The following INAVA variants were observed in gnomAD, a reference collection of about 807,000 sequenced individuals.
INAVA encodes innate immunity activator.
INAVA carries 32 observed loss-of-function variants against 55.3 expected under a neutral mutation model. The ratio of observed to expected loss-of-function variants is 0.58; its 90% CI spans 0.44 to 0.78. The LOEUF (loss-of-function observed/expected upper bound fraction) is 0.78, where lower values mean the gene tolerates loss of function less well. Among genes scored for constraint, INAVA ranks in the 30% least tolerant of loss-of-function variants. INAVA has a pLI of 0.00. For synonymous variants in INAVA, 294 were observed against 329.4 expected, an observed-to-expected ratio of 0.89 and a Z score of 1.16; for missense variants, 756 against 786.4, an observed-to-expected ratio of 0.96 and a Z score of 0.46.
intron 8 of INAVA, 143 bp downstream of exon 8, chr1:200,909,540 G>A (rs1006291107): frequency 2.1e-5 from 15 of 711,962 alleles, no homozygotes; most frequent in South Asian, 5.8e-5. Flanking sequence ...TTCTTGGGGC[G>A]CCTCTTGACA....
chr1:200,910,254 A>G (rs1157951551), intron 8 of INAVA, among the ~76,000 whole-genome samples: 2 of 152,216 alleles, frequency 1.3e-5, no homozygotes, highest in East Asian at 3.8e-4. Flanking sequence ...CAAATTTGTC[A>G]CTTTTCTGCA....
chr1:200,907,911 A>G (rs1002181540), intron 6 of INAVA, 24 bp downstream of exon 6: 3 of 1,601,818 alleles, frequency 1.9e-6, no homozygotes, highest in Non-Finnish European at 8.5e-7. Flanking sequence ...TTGGGGGACT[A>G]TTGTCAAGGC....
intron 3 of INAVA, among the ~76,000 whole-genome samples, chr1:200,899,874 C>A (rs1308690456): frequency 1.2e-4 from 18 of 152,192 alleles, no homozygotes; most frequent in Non-Finnish European, 1.5e-5. Flanking sequence ...GTGCTGTAAC[C>A]CGGGTCGGTG....
intron 5 of INAVA, among the ~76,000 whole-genome samples, chr1:200,901,563 C>T (rs548413726): frequency 2.0e-5 from 3 of 152,270 alleles, no homozygotes; most frequent in South Asian, 4.1e-4. Context: ...CCCGTGAGCC[C>T]AAGGCTCTGA....
chr1:200,901,126 C>A lies in INAVA; in HGVS notation c.487C>A (p.Pro163Thr). The change falls in exon 5 of 10, where the codon CCA becomes ACA. Residue 163 changes from proline (P) to threonine (T), a missense_variant. Transcript: ENST00000413687. ...GGTCGAGCGGCGGCGCAATAGCGAGCCACCTCCGGCTGCTGCTCTCCCCCT... is the reference window on the plus strand; with the variant it reads ...GGTCGAGCGGCGGCGCAATAGCGAGACACCTCCGGCTGCTGCTCTCCCCCT... ...CLVERRRNSE[P>T]PPAAALPLGR... The A allele has an allele frequency of 6.6e-7, 1 of 1,526,502 alleles. No individual in the cohort carries two copies. The highest frequency in any genetic ancestry group is 8.8e-7 in the Non-Finnish European group (1 of 1,140,404). 94.6% of individuals were successfully genotyped at this position (1,526,502 alleles called of 1,614,324 possible).
At chr1:200,909,079 T>C in intron 7 of INAVA, 139 bp downstream of exon 7, 1 of 1,292,010 alleles carries the variant, frequency 7.7e-7, no homozygotes, top group East Asian at 2.5e-5. Context: ...GATGGAGGTG[T>C]GAGCCTTGAT....
chr1:200,904,090 AT>A (rs774833894), intron 5 of INAVA, among the ~76,000 whole-genome samples: 659 of 138,488 alleles, frequency 4.8e-3, no homozygotes, highest in African/African-American at 8.8e-3. Context: ...TCCTCATAAC[AT>A]TTTTTTTTTT....
At position 200,913,662 on chromosome 1, in the gene INAVA, T is replaced by C. The variant is rs188549498; in HGVS notation, c.*33T>C. ...CCCCACGCTGGAAAAAACTGTTTCA[T>C]AGAGGGGCTGGGCTGAGACCCCCCC... is the stretch of plus-strand genomic sequence containing the variant. On this transcript the variant is annotated 3_prime_UTR_variant, in exon 10 of 10. Transcript: ENST00000413687. The C allele has an allele frequency of 2.1e-5, 33 of 1,576,460 alleles. No homozygotes were observed. In the East Asian group the frequency reaches 2.9e-4, roughly 14 times the overall value.
rs1557970148 is a variant in INAVA at position 200,911,509 on chromosome 1, G to A, written c.1016G>A (p.Arg339His). 5.0e-6 allele frequency: 8 copies of A among 1,613,700 alleles called. No homozygotes were observed. The highest frequency in any genetic ancestry group is 2.2e-5 in the South Asian group (2 of 91,040). Residue 339 changes from arginine to histidine, a missense_variant, in exon 9 of 10, where the codon CGC becomes CAC. This residue lies in a region of INAVA where 639 missense variants were observed against 624.3 expected (regional missense o/e 1.02). Coordinates refer to ENST00000413687, the MANE Select transcript of INAVA (RefSeq NM_001142569.3). Reference sequence around the variant, plus strand: ...CGAGGTCGCAGCGCCTTTCCCCGCCGCCGCCCCACTCACTACACGGTGACA... The same window carrying A: ...CGAGGTCGCAGCGCCTTTCCCCGCCACCGCCCCACTCACTACACGGTGACA... The part of the protein sequence containing the change: ...EGRGRSAFPR[R>H]RPTHYTVTVP...
rs754515331 is a variant in INAVA at position 200,910,643 on chromosome 1, G to A, written c.960-810G>A. ...GTCATCCAGCCTAGAGTATAGTGGCGCAATCTTTGCTCACTGCAACCTCCG... is the reference window on the plus strand; with the variant it reads ...GTCATCCAGCCTAGAGTATAGTGGCACAATCTTTGCTCACTGCAACCTCCG... On this transcript the variant is annotated intron_variant, in intron 8 of 9. Transcript: ENST00000413687. Among the ~76,000 whole-genome samples the A allele has an allele frequency of 3.9e-5, 6 of 152,282 alleles. 1 individual carries two copies. Among genetic ancestry groups the A allele is most frequent in the South Asian group, 4.1e-4 (2 of 4,828 alleles).
chr1:200,908,025 C>T (rs1653566097), intron 6 of INAVA, 138 bp downstream of exon 6: 6 of 613,156 alleles, frequency 9.8e-6, no homozygotes, highest in South Asian at 2.1e-5. Context: ...GCTTGGACTT[C>T]ATGTCAATTT....
Position 200,905,720 on chromosome 1 carries a change from G to A in INAVA, c.521-2114G>A, listed in dbSNP as rs370955386. ...ACATTACATAAACAAATTCATAGCC[G>A]TGTTCCAATAAACATTTATTTACAA... is the stretch of plus-strand genomic sequence containing the variant. On this transcript the variant is annotated intron_variant, in intron 5 of 9. Transcript: ENST00000413687. Among the ~76,000 whole-genome samples the A allele has an allele frequency of 9.8e-5, 15 of 152,288 alleles. No individual in the cohort carries two copies. In the South Asian group the frequency reaches 1.9e-3, roughly 19 times the overall value.
rs1481991650 is a variant in INAVA at position 200,901,135 on chromosome 1, G to A, written c.496G>A (p.Ala166Thr). The A allele has an allele frequency of 2.6e-6, 4 of 1,524,788 alleles. No individual in the cohort carries two copies. Among genetic ancestry groups the A allele is most frequent in the Admixed American group, 2.0e-5 (1 of 50,372 alleles). The allele number at this position is 1,524,788 out of a possible 1,614,324, so 94.5% of individuals were successfully genotyped here. A position where few individuals can be genotyped will look rare whatever the true frequency, so the allele number is the denominator to read the frequency against. ...ERRRNSEPPPAAALPLGRELS... is the reference protein window; with the variant it reads ...ERRRNSEPPPTAALPLGRELS... ...GCGGCGCAATAGCGAGCCACCTCCG[G>A]CTGCTGCTCTCCCCCTGGGCCGAGG... The change falls in exon 5 of 10, where the codon GCT (alanine) becomes ACT (threonine). Residue 166 changes from alanine (A) to threonine (T), a missense_variant. Ala to Thr is a moderately conservative substitution (Grantham distance 58). This residue lies in a region of INAVA where 639 missense variants were observed against 624.3 expected (regional missense o/e 1.02). Transcript: ENST00000413687.
intron 5 of INAVA, among the ~76,000 whole-genome samples, chr1:200,901,672 TAGG>T (rs1250210677): frequency 6.6e-6 from 1 of 152,166 alleles, no homozygotes; most frequent in Non-Finnish European, 1.5e-5. Flanking sequence ...CACAGCTACT[TAGG>T]AGATGTTCAG....
In INAVA at chr1:200,898,290, C is replaced by T. The variant is rs1211078398; in HGVS notation, c.-94-17C>T. 7 of 1,603,350 alleles carry T rather than the reference C, an allele frequency of 4.4e-6. No homozygotes were observed. In the Admixed American group the frequency reaches 7.1e-5, roughly 16 times the overall value. On this transcript the variant is annotated splice_polypyrimidine_tract_variant and intron_variant, in intron 1 of 9. Transcript: ENST00000413687. ...CATATCTAGCTTTTTTGTTATTGTTCTCTTTTCTCTTTAAAGCTGGGGAAG... is the reference window on the plus strand; with the variant it reads ...CATATCTAGCTTTTTTGTTATTGTTTTCTTTTCTCTTTAAAGCTGGGGAAG...
At chr1:200,906,003 C>T (rs534834438) in intron 5 of INAVA, among the ~76,000 whole-genome samples, 1 of 152,330 alleles carries the variant, frequency 6.6e-6, no homozygotes, top group African/African-American at 2.4e-5. Context: ...CTCAACTCCT[C>T]TGAGACGTGG....
At chr1:200,900,324 C>A in intron 4 of INAVA, 104 bp downstream of exon 4, 1 of 1,008,624 alleles carries the variant, frequency 9.9e-7, no homozygotes, top group Non-Finnish European at 1.5e-6. Flanking sequence ...TCCACCCTTT[C>A]ACACCCAGTG....
upstream of INAVA, among the ~76,000 whole-genome samples, chr1:200,893,054 TATC>T (rs899757691): frequency 2.0e-5 from 3 of 152,160 alleles, no homozygotes; most frequent in African/African-American, 4.8e-5. Context: ...CAAAAAAAGA[TATC>T]ATTGTTTTTC....
upstream of INAVA, among the ~76,000 whole-genome samples, chr1:200,893,842 G>A (rs921341803): frequency 9.9e-5 from 15 of 152,090 alleles, no homozygotes; most frequent in African/African-American, 3.4e-4. Flanking sequence ...CCCTGCACTT[G>A]GGGGTAGGGA....
Sources: allele counts gnomAD v4.1 joint callset (sites outside exome capture counted in the v4.1 genomes callset), GRCh38; gene constraint gnomAD v4.1.1; regional missense constraint gnomAD v4.1.1; transcripts MANE v1.5; gene names NCBI Gene and HGNC (gene_info 2026-07-23, HGNC 2026-07-21).